Variants in CSMD1 observed in about 807,000 individuals in gnomAD.
The protein encoded by CSMD1 is CUB and sushi domain-containing protein 1.
CSMD1 carries 213 observed loss-of-function variants against 417.5 expected under a neutral mutation model. The observed-to-expected ratio is 0.51, with a 90% confidence interval of 0.46 to 0.57. CSMD1 has a LOEUF of 0.57. CSMD1 is among the 20% of genes least tolerant of loss of function. The pLI, the probability that CSMD1 is intolerant of heterozygous loss-of-function variation, is 0.00. For synonymous variants in CSMD1, 2,862 were observed against 1,736.8 expected (o/e 1.65, Z -16.11); for missense variants, 6,923 against 4,529.7 (o/e 1.53, Z -15.17).
At chr8:4,349,708 A>T (rs776632736) in intron 3 of CSMD1, among the ~76,000 whole-genome samples, 9 of 152,172 alleles carry the variant, frequency 5.9e-5, no homozygotes, top group Non-Finnish European at 7.3e-5. Context: ...CTATAAATAC[A>T]ATCATCAGTT....
chr8:4,751,547 G>T (rs962723915), intron 1 of CSMD1, among the ~76,000 whole-genome samples: 1 of 152,142 alleles, frequency 6.6e-6, no homozygotes, highest in Non-Finnish European at 1.5e-5. Context: ...TTAATTCCAA[G>T]ATTTTATGAT....
chr8:3,419,933 A>G (rs1470844093), intron 12 of CSMD1, among the ~76,000 whole-genome samples: 1 of 152,142 alleles, frequency 6.6e-6, no homozygotes, highest in Non-Finnish European at 1.5e-5. Context: ...TATCTGTGTG[A>G]CTTCCTGTGA....
intron 36 of CSMD1, among the ~76,000 whole-genome samples, chr8:3,182,740 T>A (rs1442395288): frequency 7.8e-6 from 1 of 127,434 alleles, no homozygotes; most frequent in Non-Finnish European, 1.7e-5. Context: ...TGTCTCTTTA[T>A]AAGAAGCTCT....
intron 3 of CSMD1, among the ~76,000 whole-genome samples, chr8:4,271,077 T>C (rs775558797): frequency 1.3e-5 from 2 of 152,188 alleles, no homozygotes; most frequent in African/African-American, 2.4e-5. Context: ...AAGTTCAGAA[T>C]GTTGAAGCTT....
intron 5 of CSMD1, among the ~76,000 whole-genome samples, chr8:3,926,114 C>CAA (rs1809702658): frequency 9.4e-6 from 1 of 106,530 alleles, no homozygotes; most frequent in African/African-American, 4.0e-5. Flanking sequence ...CACACACACA[C>CAA]ACACACACAC....
intron 40 of CSMD1, among the ~76,000 whole-genome samples, chr8:3,150,842 T>C (rs561727516): frequency 8.8e-4 from 134 of 152,210 alleles, no homozygotes; most frequent in African/African-American, 3.1e-3. Flanking sequence ...GGTTCTATAA[T>C]AGTATACACA....
intron 3 of CSMD1, among the ~76,000 whole-genome samples, chr8:4,097,857 T>C (rs898082498): frequency 6.6e-6 from 1 of 152,224 alleles, no homozygotes; most frequent in African/African-American, 2.4e-5. Flanking sequence ...TCTATTACAC[T>C]ACTGTGTGAC....
At chr8:4,862,581 G>C (rs1802201629) in intron 1 of CSMD1, among the ~76,000 whole-genome samples, 1 of 151,994 alleles carries the variant, frequency 6.6e-6, no homozygotes, top group South Asian at 2.1e-4. Context: ...TTTGATGTTA[G>C]AACCATTAAA....
chr8:4,441,095 G>GTTTTTTTTGTTTTTTTTTTTTTTTT (rs1798444885), intron 2 of CSMD1, among the ~76,000 whole-genome samples: 1 of 51,296 alleles, frequency 1.9e-5, no homozygotes, highest in Non-Finnish European at 3.6e-5. Context: ...TAATCAAAAG[G>GTTTTTTTTGTTTTTTTTTTTTTTTT]TTTTTTTTTT....
intron 2 of CSMD1, among the ~76,000 whole-genome samples, chr8:4,441,481 C>T (rs949054670): frequency 2.0e-5 from 3 of 151,878 alleles, no homozygotes; most frequent in Non-Finnish European, 2.9e-5. Flanking sequence ...AGGAGTTAGA[C>T]ATAAGGTATT....
chr8:4,054,579 G>C (rs1563062426), intron 3 of CSMD1, among the ~76,000 whole-genome samples: 1 of 152,118 alleles, frequency 6.6e-6, no homozygotes, highest in Non-Finnish European at 1.5e-5. Context: ...CCTCTTGGTG[G>C]TGTAGTCTAA....
chr8:4,673,142 GA>G (rs1222216287), intron 1 of CSMD1, among the ~76,000 whole-genome samples: 1 of 152,072 alleles, frequency 6.6e-6, no homozygotes, highest in Admixed American at 6.6e-5. Context: ...TGAGGACATT[GA>G]GGGGAAAAAG....
chr8:3,134,481 A>G (rs1337559436), intron 41 of CSMD1, among the ~76,000 whole-genome samples: 1 of 152,246 alleles, frequency 6.6e-6, no homozygotes, highest in Non-Finnish European at 1.5e-5. Flanking sequence ...TGAGAGGAGC[A>G]GGCAGATCTG....
At chr8:3,435,312 G>C (rs186544738) in intron 12 of CSMD1, among the ~76,000 whole-genome samples, 12 of 152,268 alleles carry the variant, frequency 7.9e-5, no homozygotes, top group Admixed American at 7.2e-4. Context: ...GAAAGATGAA[G>C]CATGGGGCAG....
At position 3,742,966 on chromosome 8, in the gene CSMD1, C is replaced by G. The variant is rs1796887918; in HGVS notation, c.931+10964G>C. On this transcript the variant is annotated intron_variant, in intron 6 of 69. Coordinates refer to ENST00000635120, the MANE Select transcript of CSMD1 (RefSeq NM_033225.6). ...CTTCTTGACAGGATACCACGAGGCA[C>G]AGACTACACAACTAGTGGAAGCAGT... 2.6e-5 allele frequency among the ~76,000 whole-genome samples: 4 copies of G among 152,296 alleles called. 1 individual carries two copies. The South Asian group carries it at 8.3e-4, about 32-fold the overall frequency.
At chr8:4,859,538 A>G (rs968435060) in intron 1 of CSMD1, among the ~76,000 whole-genome samples, 5 of 152,202 alleles carry the variant, frequency 3.3e-5, no homozygotes, top group African/African-American at 9.7e-5. Flanking sequence ...TCCAGAATCT[A>G]CAATGAACTC....
In CSMD1 at chr8:4,101,578, A is replaced by G. The variant is rs11985652; in HGVS notation, c.416-69479T>C. Among the ~76,000 whole-genome samples, 796 of 152,358 alleles carry G rather than the reference A, an allele frequency of 5.2e-3. 8 individuals carry two copies. The highest frequency in any genetic ancestry group is 0.017 in the African/African-American group (720 of 41,588). ...GTAGGAAGTTTCTTAATTTTACAGAAGTACATTTTAAAATATTCCAACCCA... is the reference window on the plus strand; with the variant it reads ...GTAGGAAGTTTCTTAATTTTACAGAGGTACATTTTAAAATATTCCAACCCA... On this transcript the variant is annotated intron_variant, in intron 3 of 69. Coordinates refer to ENST00000635120, the MANE Select transcript of CSMD1 (RefSeq NM_033225.6).
At chr8:4,944,473 C>G (rs929285393) in intron 1 of CSMD1, among the ~76,000 whole-genome samples, 14 of 152,142 alleles carry the variant, frequency 9.2e-5, no homozygotes, top group Non-Finnish European at 2.1e-4. Flanking sequence ...TTGACTAACC[C>G]AGACACCAAA....
intron 1 of CSMD1, among the ~76,000 whole-genome samples, chr8:4,640,340 G>T (rs1003716625): frequency 1.3e-5 from 2 of 152,226 alleles, no homozygotes; most frequent in Non-Finnish European, 2.9e-5. Context: ...GCCTAAGATA[G>T]AATCGGATGT....
Sources: allele counts gnomAD v4.1 joint callset (sites outside exome capture counted in the v4.1 genomes callset), GRCh38; gene constraint gnomAD v4.1.1; transcripts MANE v1.5; gene names NCBI Gene and HGNC (gene_info 2026-07-23, HGNC 2026-07-21).